S100PBP: variants seen among roughly 807,000 people sequenced by gnomAD.
S100PBP encodes the protein S100P-binding protein.
S100PBP carries 15 observed loss-of-function variants against 39.9 expected under a neutral mutation model. The ratio of observed to expected loss-of-function variants is 0.38; its 90% CI spans 0.25 to 0.58. The LOEUF is 0.58. Among genes scored for constraint, S100PBP ranks in the 20% least tolerant of loss-of-function variants. The probability of loss-of-function intolerance (pLI) is 0.70; values close to 1 mark genes in which losing one functional copy is unlikely to be tolerated. For synonymous variants in S100PBP, 178 were observed against 180.3 expected, an observed-to-expected ratio of 0.99 and a Z score of 0.10; for missense variants, 504 against 487.3, an observed-to-expected ratio of 1.03 and a Z score of -0.32.
Position 32,826,364 on chromosome 1 carries a change from C to A in S100PBP, c.265C>A (p.Gln89Lys). 6.2e-7 allele frequency: 1 copy of A among 1,614,060 alleles called. No homozygotes were observed. The highest frequency in any genetic ancestry group is 1.1e-5 in the South Asian group (1 of 91,048). Residue 89 changes from glutamine (Q) to lysine (K), a missense_variant, in exon 3 of 7, where the codon CAA becomes AAA. By Grantham distance (53) the Gln-to-Lys change is moderately conservative. Transcript: ENST00000373475. ...GHVEKGERGS[Q>K]ILLDTPREKN... ...TGTTGAGAAGGGAGAAAGAGGGAGT[C>A]AAATTCTACTTGATACTCCCCGAGA...
intron 4 of S100PBP, among the ~76,000 whole-genome samples, chr1:32,828,962 A>G (rs1379266179): frequency 6.6e-6 from 1 of 152,206 alleles, no homozygotes; most frequent in Non-Finnish European, 1.5e-5. Flanking sequence ...AGATCATGCC[A>G]CTGCACACCA....
At chr1:32,845,322 AG>A (rs1640317281) in intron 5 of S100PBP, among the ~76,000 whole-genome samples, 1 of 152,128 alleles carries the variant, frequency 6.6e-6, no homozygotes, top group Admixed American at 6.6e-5. Flanking sequence ...ACATACTTGT[AG>A]TCCCAGCTAC....
At chr1:32,824,166 A>G (rs1159497616) in intron 1 of S100PBP, among the ~76,000 whole-genome samples, 1 of 150,990 alleles carries the variant, frequency 6.6e-6, no homozygotes, top group Non-Finnish European at 1.5e-5. Context: ...AGATCGTGCC[A>G]CTGCACTCTA....
Position 32,820,212 on chromosome 1 carries a change from T to C in S100PBP, c.-120+2523T>C, listed in dbSNP as rs1638984354. Among the ~76,000 whole-genome samples the C allele has an allele frequency of 2.1e-5, 3 of 140,492 alleles. No homozygotes were observed. In the South Asian group the frequency reaches 6.6e-4, roughly 31 times the overall value. 92.2% of individuals were successfully genotyped at this position (140,492 alleles called of 152,430 possible). A position where few individuals can be genotyped will look rare whatever the true frequency, so the allele number is the denominator to read the frequency against. The stretch of plus-strand genomic sequence containing the variant: ...CCCAGGCTGGAGTGCAGTGGTGCGA[T>C]CTCAGTTCACTGCAACCTCCGCTTC... On this transcript the variant is annotated intron_variant, in intron 1 of 6. Transcript: ENST00000373475.
intron 1 of S100PBP, chr1:32,817,940 C>G (rs1006003435): frequency 1.1e-4 from 17 of 152,922 alleles, no homozygotes; most frequent in African/African-American, 4.1e-4. Context: ...GCTCCCTGGT[C>G]GTCTTGAGAG....
At chr1:32,828,550 T>C (rs1469941401) in intron 4 of S100PBP, among the ~76,000 whole-genome samples, 2 of 152,138 alleles carry the variant, frequency 1.3e-5, no homozygotes, top group Non-Finnish European at 1.5e-5. Context: ...CAATTTATTC[T>C]CTGGTTGCCA....
upstream of S100PBP, chr1:32,816,699 T>G (rs893890396): frequency 2.4e-5 from 4 of 163,606 alleles, no homozygotes; most frequent in Non-Finnish European, 4.1e-5. Context: ...ATTTGTGGAG[T>G]GAGGGGGGGG....
In S100PBP at chr1:32,830,051, A is replaced by G; in HGVS notation, c.1008A>G (p.Pro336=). The G allele has an allele frequency of 1.2e-6, 2 of 1,607,872 alleles. No homozygotes were observed. Among genetic ancestry groups the G allele is most frequent in the Non-Finnish European group, 1.7e-6 (2 of 1,174,450 alleles). ...GTGTCATTGCTCATATAGAAGACCC[A>G]GAGGACACTAACCAAGGTAACATGG... is the stretch of plus-strand genomic sequence containing the variant. ...LRSVIAHIED[P]EDTNQGISGE... The change falls in exon 5 of 7, where the codon CCA becomes CCG. Residue 336 remains proline, a synonymous_variant. Coordinates refer to ENST00000373475, the MANE Select transcript of S100PBP (RefSeq NM_022753.4).
upstream of S100PBP, chr1:32,817,417 G>A: frequency 2.6e-6 from 2 of 756,252 alleles, no homozygotes; most frequent in Non-Finnish European, 4.4e-6. Flanking sequence ...GAAAAAGTGA[G>A]GAGCAGCAGA....
intron 2 of S100PBP, 147 bp from the exon 3 acceptor site, chr1:32,825,951 A>T (rs764931768): frequency 5.0e-6 from 3 of 605,410 alleles, no homozygotes; most frequent in Non-Finnish European, 8.6e-6. Flanking sequence ...TGTTTCTGGT[A>T]AGGTTAAATA....
At chr1:32,845,999 T>A (rs1418046548) in intron 5 of S100PBP, among the ~76,000 whole-genome samples, 1 of 149,534 alleles carries the variant, frequency 6.7e-6, no homozygotes, top group Non-Finnish European at 1.5e-5. Flanking sequence ...TATTTTTTTA[T>A]TTTTTTTTGA....
rs767401860 is a variant in S100PBP at position 32,826,441 on chromosome 1, C to T, written c.342C>T (p.Phe114=). ...LGPVAETPDL[F]KLPQLSTSSG... ...CAGTAGCTGAGACTCCTGACCTCTT[C>T]AAACTACCTCAGCTAAGTACATCAA... Residue 114 remains phenylalanine (F), a synonymous_variant, in exon 3 of 7, where the codon TTC becomes TTT. Coordinates refer to ENST00000373475, the MANE Select transcript of S100PBP (RefSeq NM_022753.4). The T allele has an allele frequency of 6.2e-6, 10 of 1,614,106 alleles. No homozygotes were observed. The highest frequency in any genetic ancestry group is 8.5e-6 in the Non-Finnish European group (10 of 1,180,014).
At chr1:32,827,636 C>T (rs1406754427) in intron 3 of S100PBP, among the ~76,000 whole-genome samples, 3 of 152,102 alleles carry the variant, frequency 2.0e-5, no homozygotes, top group African/African-American at 7.2e-5. Flanking sequence ...CATGCACCAC[C>T]ATGCCCAGCT....
intron 5 of S100PBP, among the ~76,000 whole-genome samples, chr1:32,839,676 A>G (rs950048015): frequency 6.6e-6 from 1 of 151,966 alleles, no homozygotes; most frequent in African/African-American, 2.4e-5. Context: ...ATGCCTGGCT[A>G]ATTTCTTTTT....
rs775093711 is a variant in S100PBP at position 32,826,152 on chromosome 1, C to G, written c.53C>G (p.Pro18Arg). Residue 18 changes from proline to arginine, a missense_variant, in exon 3 of 7, where the codon CCT becomes CGT. Coordinates refer to ENST00000373475, the MANE Select transcript of S100PBP (RefSeq NM_022753.4). ...CAGTCTTCTGGTACCTCTCTCTTGC[C>G]TAAAGACGGTGCCCCATTTTCTTGG... The part of the protein sequence containing the change: ...SEQSSGTSLL[P>R]KDGAPFSWDS... 10 of 1,613,932 alleles carry G rather than the reference C, an allele frequency of 6.2e-6. No individual in the cohort carries two copies. The African/African-American group carries it at 8.0e-5, about 13-fold the overall frequency.
intron 1 of S100PBP, chr1:32,817,989 TG>T (rs1638828818): frequency 1.3e-5 from 2 of 152,118 alleles, no homozygotes; most frequent in South Asian, 4.1e-4. Flanking sequence ...CCAGTGGGGG[TG>T]GGGGCCGCCT....
Position 32,856,069 on chromosome 1 carries a change from C to T in S100PBP, c.*31C>T, listed in dbSNP as rs1640808663. ...GTCATCCCATCAGCAATGAAGGTCC[C>T]TATCCAGGGTCCTGCTTGGAGCAGC... is the stretch of plus-strand genomic sequence containing the variant. On this transcript the variant is annotated 3_prime_UTR_variant, in exon 7 of 7. Coordinates refer to ENST00000373475, the MANE Select transcript of S100PBP (RefSeq NM_022753.4). 1 of 1,383,864 alleles carries T rather than the reference C, an allele frequency of 7.2e-7. No homozygotes were observed. Among genetic ancestry groups the T allele is most frequent in the South Asian group, 1.2e-5 (1 of 86,102 alleles). The allele number at this position is 1,383,864 out of a possible 1,614,324, so 85.7% of individuals were successfully genotyped here.
intron 1 of S100PBP, among the ~76,000 whole-genome samples, chr1:32,824,425 A>G (rs1163144957): frequency 1.3e-5 from 2 of 152,220 alleles, no homozygotes; most frequent in African/African-American, 4.8e-5. Flanking sequence ...TAGGTCTGTC[A>G]TTAGCTGTTT....
intron 5 of S100PBP, chr1:32,847,312 A>T (rs1640423045): frequency 6.6e-6 from 1 of 152,142 alleles, no homozygotes; most frequent in African/African-American, 2.4e-5. Context: ...CCTTCATTTA[A>T]AAAACTTTTT....
Sources: gnomAD v4.1 joint callset for allele counts (sites outside exome capture counted in the v4.1 genomes callset) on GRCh38, gnomAD v4.1.1 for gene constraint, MANE v1.5 for transcripts, NCBI Gene and HGNC (gene_info 2026-07-23, HGNC 2026-07-21) for gene names.